ACYP2: variants seen among roughly 807,000 people sequenced by gnomAD.
ACYP2 encodes acylphosphatase 2.
Under a neutral mutation model 11.2 loss-of-function variants are expected in ACYP2, and 12 were observed. The observed-to-expected ratio is 1.08, with a 90% CI of 0.69 to 1.74. The LOEUF is 1.74. ACYP2 is among the 40% of genes most tolerant of loss of function. The probability of loss-of-function intolerance (pLI) is 0.00; values close to 1 mark genes in which losing one functional copy is unlikely to be tolerated. For synonymous variants in ACYP2, 43 were observed against 32.2 expected (o/e 1.33, Z -1.13); for missense variants, 134 against 101.9 (o/e 1.31, Z -1.35).
chr2:54,163,999 T>G (rs1460802293), intron 6 of ACYP2, among the ~76,000 whole-genome samples: 4 of 152,222 alleles, frequency 2.6e-5, no homozygotes, highest in African/African-American at 9.7e-5. Flanking sequence ...GCAATAAAAC[T>G]TATGCCTGTG....
At chr2:54,081,124 G>C (rs1677622794) in intron 4 of ACYP2, among the ~76,000 whole-genome samples, 1 of 152,138 alleles carries the variant, frequency 6.6e-6, no homozygotes, top group African/African-American at 2.4e-5. Flanking sequence ...AATGAATTCT[G>C]TGATATCCTC....
At chr2:54,189,303 C>G (rs2103883379) in intron 6 of ACYP2, among the ~76,000 whole-genome samples, 1 of 152,266 alleles carries the variant, frequency 6.6e-6, no homozygotes, top group East Asian at 1.9e-4. Context: ...TTTTTGTCCT[C>G]TGATCTACAT....
At chr2:54,108,867 A>G (rs1249825138) in intron 4 of ACYP2, among the ~76,000 whole-genome samples, 1 of 152,106 alleles carries the variant, frequency 6.6e-6, no homozygotes. Context: ...AATTATAATG[A>G]TATTTTCCTT....
intron 6 of ACYP2, among the ~76,000 whole-genome samples, chr2:54,266,018 T>C (rs929228876): frequency 1.4e-4 from 21 of 152,320 alleles, no homozygotes; most frequent in African/African-American, 5.1e-4. Context: ...AACCTCAATA[T>C]ATTGCAAAAA....
intron 1 of ACYP2, among the ~76,000 whole-genome samples, chr2:53,973,288 T>A (rs1349213877): frequency 1.3e-5 from 2 of 152,126 alleles, no homozygotes; most frequent in African/African-American, 4.8e-5. Context: ...GCAGCAAATA[T>A]GGACAACCTT....
chr2:54,163,212 C>A (rs1682803053), intron 6 of ACYP2, among the ~76,000 whole-genome samples: 1 of 152,112 alleles, frequency 6.6e-6, no homozygotes. Flanking sequence ...AAGGCCATAA[C>A]CATGCCTGCA....
chr2:53,983,067 A>G (rs753819533), intron 2 of ACYP2, among the ~76,000 whole-genome samples: 1 of 152,196 alleles, frequency 6.6e-6, no homozygotes, highest in Admixed American at 6.5e-5. Flanking sequence ...TAATTTTATT[A>G]GATGCTTTAA....
intron 4 of ACYP2, among the ~76,000 whole-genome samples, chr2:54,133,512 A>G (rs72800761): frequency 0.078 from 11,881 of 152,266 alleles, 711 homozygotes; most frequent in East Asian, 0.25. Context: ...CTAAGTTGCA[A>G]TAGGTACTAA....
intron 4 of ACYP2, among the ~76,000 whole-genome samples, chr2:54,086,769 C>G (rs1677969525): frequency 6.6e-6 from 1 of 152,206 alleles, no homozygotes; most frequent in African/African-American, 2.4e-5. Context: ...CCAGTGTTTC[C>G]TAAACTCTTG....
chr2:53,991,750 G>A (rs1672306013), intron 2 of ACYP2, among the ~76,000 whole-genome samples: 1 of 151,782 alleles, frequency 6.6e-6, no homozygotes, highest in Non-Finnish European at 1.5e-5. Flanking sequence ...CCCTGCTCCA[G>A]GCACTCCGAC....
At chr2:54,197,939 ATTATATTGTATTGTAT>A (rs1558605280) in intron 6 of ACYP2, among the ~76,000 whole-genome samples, 6 of 72,440 alleles carry the variant, frequency 8.3e-5, no homozygotes, top group South Asian at 6.3e-4. Context: ...TTATGTATGT[ATTATATTGTATTGTAT>A]TGTATTGTAT....
At chr2:54,199,466 C>T (rs1252208647) in intron 6 of ACYP2, among the ~76,000 whole-genome samples, 1 of 152,192 alleles carries the variant, frequency 6.6e-6, no homozygotes, top group South Asian at 2.1e-4. Context: ...CCCTGAACCA[C>T]TGCACAGGCT....
At chr2:54,283,995 C>T (rs554206639) in intron 6 of ACYP2, among the ~76,000 whole-genome samples, 1 of 152,304 alleles carries the variant, frequency 6.6e-6, no homozygotes, top group East Asian at 1.9e-4. Flanking sequence ...CCTGTAATCC[C>T]AGCTACTCTG....
At chr2:54,210,240 A>T (rs1241523842) in intron 6 of ACYP2, among the ~76,000 whole-genome samples, 1 of 152,034 alleles carries the variant, frequency 6.6e-6, no homozygotes, top group Non-Finnish European at 1.5e-5. Context: ...ATCATAAAGC[A>T]GAGTTCCCCA....
intron 6 of ACYP2, among the ~76,000 whole-genome samples, chr2:54,214,491 T>C (rs774340453): frequency 2.0e-5 from 3 of 152,232 alleles, no homozygotes; most frequent in Non-Finnish European, 4.4e-5. Context: ...ACTTATCGAA[T>C]AGGGAGTCCT....
At chr2:54,294,206 G>A (rs186979141) in intron 6 of ACYP2, among the ~76,000 whole-genome samples, 37 of 152,132 alleles carry the variant, frequency 2.4e-4, no homozygotes, top group African/African-American at 8.2e-4. Flanking sequence ...TTTCACCTCT[G>A]TTTCAGACAA....
chr2:54,111,371 G>A (rs1054394004), intron 4 of ACYP2, among the ~76,000 whole-genome samples: 3 of 152,106 alleles, frequency 2.0e-5, no homozygotes, highest in Admixed American at 6.5e-5. Context: ...GGGCGGGGGG[G>A]ACCAACCATG....
In ACYP2 at chr2:54,135,483, A is replaced by C; in HGVS notation, c.294+14A>C. ...TGCTTCAGAATGGTAAGTCAGTACAATCTTTATTATTTTGCTATTTTTTTT... is the reference window on the plus strand; with the variant it reads ...TGCTTCAGAATGGTAAGTCAGTACACTCTTTATTATTTTGCTATTTTTTTT... On this transcript the variant is annotated intron_variant, in intron 5 of 6. Coordinates refer to ENST00000607452, the MANE Select transcript of ACYP2 (RefSeq NM_001320586.2). 2 of 1,602,528 alleles carry C rather than the reference A, an allele frequency of 1.2e-6. No homozygotes were observed. Among genetic ancestry groups the C allele is most frequent in the Admixed American group, 1.7e-5 (1 of 58,708 alleles).
At chr2:54,277,726 G>A (rs972418345) in intron 6 of ACYP2, among the ~76,000 whole-genome samples, 6 of 151,982 alleles carry the variant, frequency 3.9e-5, no homozygotes, top group African/African-American at 1.4e-4. Context: ...AATTTCATGT[G>A]CTAGATAATC....
Sources: allele counts gnomAD v4.1 joint callset (sites outside exome capture counted in the v4.1 genomes callset), GRCh38; gene constraint gnomAD v4.1.1; transcripts MANE v1.5; gene names NCBI Gene and HGNC (gene_info 2026-07-23, HGNC 2026-07-21).